The following PRKRIP1 variants were observed in gnomAD, a reference collection of about 807,000 sequenced individuals.
PRKRIP1 encodes PRKR interacting protein 1, also known as PRKR-interacting protein 1.
A neutral mutation model predicts 29.3 loss-of-function variants in PRKRIP1; 29 were observed. That is an observed-to-expected ratio of 0.99 (90% confidence interval 0.74 to 1.35). The LOEUF is 1.35. Among genes scored for constraint, PRKRIP1 ranks in the 40% most tolerant of loss-of-function variants. The probability of loss-of-function intolerance (pLI) is 0.00; values close to 1 mark genes in which losing one functional copy is unlikely to be tolerated. For synonymous variants in PRKRIP1, 90 were observed against 85.1 expected (o/e 1.06, Z -0.32); for missense variants, 247 against 236.8 (o/e 1.04, Z -0.28).
chr7:102,409,513 A>G (rs1554572291), intron 5 of PRKRIP1, among the ~76,000 whole-genome samples: 2 of 151,824 alleles, frequency 1.3e-5, no homozygotes, highest in African/African-American at 4.8e-5. Context: ...GCATAGTAAG[A>G]CCCCATCTCT....
intron 1 of PRKRIP1, among the ~76,000 whole-genome samples, chr7:102,397,084 G>T (rs572655523): frequency 6.6e-6 from 1 of 152,186 alleles, no homozygotes; most frequent in South Asian, 2.1e-4. Flanking sequence ...AGGTTTTTCA[G>T]TTCTGCTCTG....
chr7:102,417,341 T>A (rs1335426198), intron 5 of PRKRIP1, among the ~76,000 whole-genome samples: 2 of 152,130 alleles, frequency 1.3e-5, no homozygotes, highest in Non-Finnish European at 2.9e-5. Flanking sequence ...AGCCCACACA[T>A]AGGGAGTGTG....
chr7:102,421,569 T>C (rs1308069158), intron 5 of PRKRIP1, among the ~76,000 whole-genome samples: 1 of 151,850 alleles, frequency 6.6e-6, no homozygotes, highest in Non-Finnish European at 1.5e-5. Flanking sequence ...GAGGCCAAGG[T>C]GGGCAGATCA....
At chr7:102,396,950 C>A (rs1554570470) in intron 1 of PRKRIP1, among the ~76,000 whole-genome samples, 1 of 152,108 alleles carries the variant, frequency 6.6e-6, no homozygotes. Context: ...CCCTCTGGGC[C>A]TCGGTCCCCT....
intron 2 of PRKRIP1, 64 bp from the exon 3 acceptor site, chr7:102,399,484 G>A (rs782302747): frequency 6.7e-5 from 88 of 1,311,418 alleles, no homozygotes; most frequent in Non-Finnish European, 8.5e-5. Flanking sequence ...AGTCACCCTC[G>A]ATTAAGGGTG....
chr7:102,404,858 A>T (rs893556933), intron 4 of PRKRIP1, among the ~76,000 whole-genome samples, 175 bp downstream of exon 4: 3 of 152,098 alleles, frequency 2.0e-5, no homozygotes, highest in Non-Finnish European at 2.9e-5. Context: ...CCAACTGGTT[A>T]CAGATTGTCC....
At chr7:102,424,029 C>G (rs1554574146) in intron 5 of PRKRIP1, among the ~76,000 whole-genome samples, 1 of 152,250 alleles carries the variant, frequency 6.6e-6, no homozygotes, top group African/African-American at 2.4e-5. Context: ...AGGGATGCCC[C>G]AAATTAATGA....
chr7:102,422,734 C>T (rs1196451282), intron 5 of PRKRIP1, among the ~76,000 whole-genome samples: 5 of 152,140 alleles, frequency 3.3e-5, no homozygotes, highest in Non-Finnish European at 5.9e-5. Flanking sequence ...GCCTCGGTCT[C>T]CCAAAGTGCT....
intron 2 of PRKRIP1, among the ~76,000 whole-genome samples, chr7:102,399,314 A>G (rs1303292126): frequency 6.6e-6 from 1 of 152,172 alleles, no homozygotes; most frequent in Non-Finnish European, 1.5e-5. Flanking sequence ...GCCCCTCCTG[A>G]TACTGCATTT....
intron 5 of PRKRIP1, 128 bp from the exon 6 acceptor site, chr7:102,424,886 G>A: frequency 1.1e-6 from 1 of 909,568 alleles, no homozygotes; most frequent in Non-Finnish European, 1.6e-6. Flanking sequence ...CGTGAGGCAT[G>A]ACCCTGGTTT....
At chr7:102,422,028 C>T (rs1264037959) in intron 5 of PRKRIP1, among the ~76,000 whole-genome samples, 1 of 152,006 alleles carries the variant, frequency 6.6e-6, no homozygotes, top group African/African-American at 2.4e-5. Flanking sequence ...TTATCAGTAG[C>T]AAATTCAGAG....
At chr7:102,401,515 C>G (rs1554571160) in intron 3 of PRKRIP1, among the ~76,000 whole-genome samples, 1 of 152,172 alleles carries the variant, frequency 6.6e-6, no homozygotes, top group African/African-American at 2.4e-5. Context: ...GGGTGGATCA[C>G]TTGAGGTCAG....
At chr7:102,414,237 G>GA (rs144655156) in intron 5 of PRKRIP1, among the ~76,000 whole-genome samples, 27,979 of 149,900 alleles carry the variant, frequency 0.19, 2,658 homozygotes, top group South Asian at 0.27. Context: ...AAAAAAGAAA[G>GA]AAAAAAAAAG....
chr7:102,419,845 T>TTGTGTG (rs56752508), intron 5 of PRKRIP1, among the ~76,000 whole-genome samples: 245 of 142,812 alleles, frequency 1.7e-3, no homozygotes, highest in African/African-American at 6.2e-3. Context: ...TTTTGTGTTT[T>TTGTGTG]TGTGTGTGTG....
At chr7:102,416,314 A>G (rs1304842197) in intron 5 of PRKRIP1, among the ~76,000 whole-genome samples, 1 of 152,212 alleles carries the variant, frequency 6.6e-6, no homozygotes, top group African/African-American at 2.4e-5. Context: ...TTAACTTCCT[A>G]AATTAACCTG....
intron 3 of PRKRIP1, among the ~76,000 whole-genome samples, chr7:102,400,691 A>G (rs1796043542): frequency 6.6e-6 from 1 of 152,126 alleles, no homozygotes; most frequent in Non-Finnish European, 1.5e-5. Flanking sequence ...GGCTGAGAGC[A>G]GTGGGGTGAT....
intron 5 of PRKRIP1, among the ~76,000 whole-genome samples, chr7:102,408,102 C>T (rs73187901): frequency 2.6e-5 from 4 of 152,124 alleles, no homozygotes; most frequent in East Asian, 1.9e-4. Flanking sequence ...CTGGCTCCCC[C>T]GCACGTTCCC....
intron 5 of PRKRIP1, among the ~76,000 whole-genome samples, chr7:102,424,529 G>GGCTTCCTGGGCCATGCTTGGGAGGA (rs1796785353): frequency 6.6e-6 from 1 of 152,242 alleles, no homozygotes; most frequent in South Asian, 2.1e-4. Context: ...TGTCAGGAGG[G>GGCTTCCTGGGCCATGCTTGGGAGGA]GCTTCCTGGG....
intron 5 of PRKRIP1, among the ~76,000 whole-genome samples, chr7:102,423,758 C>T (rs1796765475): frequency 6.6e-6 from 1 of 152,106 alleles, no homozygotes; most frequent in African/African-American, 2.4e-5. Flanking sequence ...CTCACTGCAG[C>T]CTTGAACTCC....
Sources: gnomAD v4.1 joint callset for allele counts (sites outside exome capture counted in the v4.1 genomes callset) on GRCh38, gnomAD v4.1.1 for gene constraint, MANE v1.5 for transcripts, NCBI Gene and HGNC (gene_info 2026-07-23, HGNC 2026-07-21) for gene names.